DNAH14: variants seen among roughly 807,000 people sequenced by gnomAD.
The protein encoded by DNAH14 is dynein axonemal heavy chain 14.
Under a neutral mutation model 520.9 loss-of-function variants are expected in DNAH14, and 478 were observed. The observed-to-expected ratio is 0.92, with a 90% CI of 0.85 to 0.99. The LOEUF (loss-of-function observed/expected upper bound fraction) is 0.99, where lower values mean the gene tolerates loss of function less well. Ranked by LOEUF, DNAH14 falls within the 50% of genes least tolerant of loss-of-function variation. The probability of loss-of-function intolerance (pLI) is 0.00; values close to 1 mark genes in which losing one functional copy is unlikely to be tolerated. For synonymous variants in DNAH14, 1,581 were observed against 1,757.2 expected, an observed-to-expected ratio of 0.90 and a Z score of 2.51; for missense variants, 4,831 against 5,234.5, an observed-to-expected ratio of 0.92 and a Z score of 2.38.
chr1:224,938,823 G>A (rs2059208471), intron 1 of DNAH14, among the ~76,000 whole-genome samples: 1 of 152,058 alleles, frequency 6.6e-6, no homozygotes, highest in East Asian at 1.9e-4. Context: ...AAGAAAATGT[G>A]GTATATATAC....
rs541371550 is a variant in DNAH14 at position 225,231,388 on chromosome 1, A to G, written c.6518+237A>G. ...AGGAATACATTTGTCCAGCCTCTAT[A>G]CATACTTGAGAAAGGAATAAAATTG... On this transcript the variant is annotated intron_variant, in intron 42 of 85. Coordinates refer to ENST00000682510, the MANE Select transcript of DNAH14 (RefSeq NM_001367479.1). Among the ~76,000 whole-genome samples, 26 of 152,260 alleles carry G rather than the reference A, an allele frequency of 1.7e-4. No individual in the cohort carries two copies. The East Asian group carries it at 3.5e-3, about 20-fold the overall frequency.
chr1:224,984,588 C>T (rs58883363), intron 8 of DNAH14, among the ~76,000 whole-genome samples: 5,431 of 152,236 alleles, frequency 0.036, 304 homozygotes, highest in African/African-American at 0.12. Flanking sequence ...AAGGAATAGT[C>T]AGCAGAGTAA....
At chr1:225,132,302 C>CTAGGTATTAA (rs2078502797) in intron 27 of DNAH14, among the ~76,000 whole-genome samples, 1 of 151,850 alleles carries the variant, frequency 6.6e-6, no homozygotes, top group Non-Finnish European at 1.5e-5. Context: ...ACAGATCATC[C>CTAGGTATTAA]CGTCACCTAG....
At chr1:225,131,295 A>G (rs149412740) in intron 27 of DNAH14, among the ~76,000 whole-genome samples, 1 of 152,308 alleles carries the variant, frequency 6.6e-6, no homozygotes, top group East Asian at 1.9e-4. Context: ...AGGCCAACCC[A>G]CAGGTCTCTG....
At chr1:225,319,609 C>A (rs1486742627) in intron 61 of DNAH14, among the ~76,000 whole-genome samples, 2 of 152,166 alleles carry the variant, frequency 1.3e-5, no homozygotes, top group African/African-American at 4.8e-5. Context: ...AAAAGAGAAA[C>A]AAGCAAGAGA....
rs1266257193 is a variant in DNAH14 at position 225,185,303 on chromosome 1, G to A, written c.5548G>A (p.Val1850Met). The A allele has an allele frequency of 1.9e-6, 3 of 1,543,368 alleles. No individual in the cohort carries two copies. Among genetic ancestry groups the A allele is most frequent in the South Asian group, 1.2e-5 (1 of 81,984 alleles). ...AATTTTGTTTTAGGTTTGTGTTGGT[G>A]TGATGTTAGTGGGCCCAACAGGTGG... ...FYNQLQVCVGVMLVGPTGGGK... is the reference protein window; with the variant it reads ...FYNQLQVCVGMMLVGPTGGGK... The change falls in exon 37 of 86, where the codon GTG becomes ATG. Residue 1850 changes from valine to methionine, a missense_variant. Physicochemically the swap from Val to Met is conservative, Grantham distance 21. Transcript: ENST00000682510.
chr1:225,130,329 A>G (rs996387546), intron 27 of DNAH14, among the ~76,000 whole-genome samples: 1 of 152,154 alleles, frequency 6.6e-6, no homozygotes, highest in African/African-American at 2.4e-5. Context: ...GTATATACCC[A>G]AAGGACTATA....
At chr1:225,128,830 G>T (rs1479082057) in intron 27 of DNAH14, among the ~76,000 whole-genome samples, 3 of 151,526 alleles carry the variant, frequency 2.0e-5, no homozygotes, top group African/African-American at 7.3e-5. Context: ...AATCAGGCAG[G>T]AGAATGAAAT....
chr1:225,351,715 T>C lies in DNAH14; in HGVS notation c.11365T>C (p.Tyr3789His), dbSNP rs1252648166. The stretch of plus-strand genomic sequence containing the variant: ...AGATTCCAGGTGGAGGCAGTGCCAA[T>C]ATGTCAGCACTCACCTGGAACCATT... ...LSDSRWRQCQ[Y>H]VSTHLEPFSL... is the part of the protein sequence containing the mutation. Residue 3789 changes from tyrosine (Y) to histidine (H), a missense_variant, in exon 72 of 86, where the codon TAT (tyrosine) becomes CAT (histidine). Coordinates refer to ENST00000682510, the MANE Select transcript of DNAH14 (RefSeq NM_001367479.1). 1.5e-5 allele frequency: 24 copies of C among 1,551,242 alleles called. No individual in the cohort carries two copies. The highest frequency in any genetic ancestry group is 2.0e-5 in the Admixed American group (1 of 50,970).
At chr1:225,043,276 G>A (rs1268994427) in intron 13 of DNAH14, among the ~76,000 whole-genome samples, 162 bp downstream of exon 13, 15 of 98,156 alleles carry the variant, frequency 1.5e-4, no homozygotes, top group East Asian at 3.1e-4. Context: ...GTCTCTTGGG[G>A]AAAAAAAAAA....
intron 72 of DNAH14, 35 bp from the exon 73 acceptor site, chr1:225,353,768 G>A (rs771522702): frequency 6.4e-6 from 7 of 1,093,206 alleles, no homozygotes; most frequent in Non-Finnish European, 9.4e-6. Flanking sequence ...GTATTTGACT[G>A]TTAATGCCAG....
intron 41 of DNAH14, among the ~76,000 whole-genome samples, chr1:225,230,015 A>G (rs1382948153): frequency 1.3e-5 from 2 of 152,164 alleles, no homozygotes; most frequent in African/African-American, 4.8e-5. Context: ...GTGGGTGATA[A>G]AAAATTGATT....
chr1:225,289,999 GA>G lies in DNAH14; in HGVS notation c.8388del (p.Val2797SerfsTer11). The G allele has an allele frequency of 6.5e-7, 1 of 1,541,498 alleles. No homozygotes were observed. The highest frequency in any genetic ancestry group is 2.0e-5 in the Admixed American group (1 of 49,732). On this transcript the variant is annotated frameshift_variant, in exon 55 of 86. Transcript: ENST00000682510. LOFTEE classifies it high-confidence loss of function. ...SHKCAYIEFK[E>X]VFKKVFIHAG... ...CAAATGTGCCTACATCGAATTCAAA[GA>G]AGTCTTTAAAAAGGTGTTTATTCAC...
At chr1:224,949,185 C>A (rs1476742095) in intron 1 of DNAH14, among the ~76,000 whole-genome samples, 1 of 151,966 alleles carries the variant, frequency 6.6e-6, no homozygotes, top group African/African-American at 2.4e-5. Flanking sequence ...GTATCATTTT[C>A]TTGGTTTAGA....
At chr1:225,190,533 C>A (rs925044666) in intron 37 of DNAH14, among the ~76,000 whole-genome samples, 8 of 152,038 alleles carry the variant, frequency 5.3e-5, no homozygotes, top group African/African-American at 1.9e-4. Context: ...AATGCAACTG[C>A]AGAACATGAA....
intron 60 of DNAH14, among the ~76,000 whole-genome samples, chr1:225,309,661 G>A (rs1005851177): frequency 6.6e-6 from 1 of 152,192 alleles, no homozygotes; most frequent in Non-Finnish European, 1.5e-5. Flanking sequence ...TTGGGAGGCC[G>A]AGGCGGGTAG....
At position 225,152,820 on chromosome 1, in the gene DNAH14, A is replaced by T. The variant is rs1423175041; in HGVS notation, c.5133A>T (p.Ala1711=). ...IILFSFGFKS[A]NSLSGKLTNL... ...TGTTTTCATTTGGTTTCAAATCTGC[A>T]AATTCACTCTCTGGAAAGCTAACTA... The change falls in exon 33 of 86, where the codon GCA becomes GCT. Residue 1711 remains alanine, a synonymous_variant. Coordinates refer to ENST00000682510, the MANE Select transcript of DNAH14 (RefSeq NM_001367479.1). The T allele has an allele frequency of 6.4e-7, 1 of 1,551,468 alleles. No homozygotes were observed.
intron 27 of DNAH14, among the ~76,000 whole-genome samples, chr1:225,128,641 A>G (rs2078036882): frequency 1.3e-5 from 2 of 151,756 alleles, no homozygotes; most frequent in African/African-American, 4.9e-5. Context: ...AACTCTCAAT[A>G]AATTAGGTAT....
At chr1:224,946,374 T>C (rs1292507953) in intron 1 of DNAH14, among the ~76,000 whole-genome samples, 1 of 152,154 alleles carries the variant, frequency 6.6e-6, no homozygotes, top group Non-Finnish European at 1.5e-5. Context: ...TGACCCGATT[T>C]TCCAGGTGCT....
Sources: allele counts gnomAD v4.1 joint callset (sites outside exome capture counted in the v4.1 genomes callset), GRCh38; gene constraint gnomAD v4.1.1; transcripts MANE v1.5; gene names NCBI Gene and HGNC (gene_info 2026-07-23, HGNC 2026-07-21).